Variants in POLN observed in about 807,000 individuals in gnomAD.
POLN encodes the protein DNA polymerase N.
A neutral mutation model predicts 113.5 loss-of-function variants in POLN; 108 were observed. The observed-to-expected ratio is 0.95, with a 90% CI of 0.81 to 1.12. POLN has a LOEUF of 1.12. Ranked by LOEUF, POLN falls within the 50% of genes most tolerant of loss-of-function variation. The probability of loss-of-function intolerance (pLI) is 0.00; values close to 1 mark genes in which losing one functional copy is unlikely to be tolerated. For synonymous variants in POLN, 386 were observed against 391.5 expected, an observed-to-expected ratio of 0.99 and a Z score of 0.17; for missense variants, 1,097 against 1,077.1, an observed-to-expected ratio of 1.02 and a Z score of -0.26.
chr4:2,094,714 G>A (rs2108699313), intron 20 of POLN, among the ~76,000 whole-genome samples: 1 of 152,268 alleles, frequency 6.6e-6, no homozygotes. Context: ...GTTGGAGCTG[G>A]CCTGGCTGAT....
At chr4:2,141,546 T>G (rs1025289216) in intron 16 of POLN, among the ~76,000 whole-genome samples, 2 of 152,228 alleles carry the variant, frequency 1.3e-5, no homozygotes, top group African/African-American at 4.8e-5. Context: ...CATGAAGGAC[T>G]GCGGTGCGTT....
intron 3 of POLN, among the ~76,000 whole-genome samples, chr4:2,215,327 C>A (rs140756450): frequency 6.6e-6 from 1 of 152,166 alleles, no homozygotes; most frequent in Non-Finnish European, 1.5e-5. Context: ...CGCTTATGCA[C>A]ACGAAGATGT....
intron 23 of POLN, chr4:2,079,446 C>T (rs544424312): frequency 1.6e-5 from 16 of 985,374 alleles, no homozygotes; most frequent in East Asian, 1.1e-4. Context: ...AGTGTATATG[C>T]GTATATGTGT....
At chr4:2,211,890 G>C (rs988911391) in intron 4 of POLN, among the ~76,000 whole-genome samples, 4 of 152,082 alleles carry the variant, frequency 2.6e-5, no homozygotes, top group Non-Finnish European at 5.9e-5. Flanking sequence ...CTGCCTTCGG[G>C]ATCCAAGGAG....
chr4:2,186,071 A>G (rs191158559), intron 7 of POLN, among the ~76,000 whole-genome samples: 3 of 151,906 alleles, frequency 2.0e-5, no homozygotes, highest in Non-Finnish European at 4.4e-5. Flanking sequence ...AAGTGAAAAA[A>G]CTCCATGCAG....
rs762902882 is a variant in POLN at position 2,081,759 on chromosome 4, C to CA, written c.2198-17dup. ...ACCACACAGCCTGAGTCACACAGAG[C>CA]AAAAGTAGATGAGGGACAGAAACAG... On this transcript the variant is annotated splice_polypyrimidine_tract_variant and intron_variant, in intron 21 of 25. Transcript: ENST00000511885. The CA allele has an allele frequency of 1.5e-4, 236 of 1,610,086 alleles. 1 individual carries two copies. The highest frequency in any genetic ancestry group is 1.6e-4 in the East Asian group (7 of 44,810).
At chr4:2,174,147 T>C in intron 10 of POLN, 128 bp from the exon 11 acceptor site, 1 of 821,174 alleles carries the variant, frequency 1.2e-6, no homozygotes. Flanking sequence ...ACCTGCTGCA[T>C]GCCAACCTCT....
chr4:2,235,927 CTAAGA>C (rs1441063120), intron 2 of POLN, among the ~76,000 whole-genome samples: 9 of 151,718 alleles, frequency 5.9e-5, no homozygotes, highest in Non-Finnish European at 8.8e-5. Flanking sequence ...CCTGTGTTTG[CTAAGA>C]TGAGTGAAAA....
chr4:2,080,406 G>C (rs1032902402), intron 23 of POLN: 1 of 993,764 alleles, frequency 1.0e-6, no homozygotes. Flanking sequence ...TTGGCTCTGG[G>C]CTCGGGGGTG....
chr4:2,240,061 TCTC>T, intron 2 of POLN: 1 of 1,613,524 alleles, frequency 6.2e-7, no homozygotes, highest in African/African-American at 1.3e-5. Flanking sequence ...CTGTGAAGAC[TCTC>T]CTCTGCCCAT....
chr4:2,132,726 A>G (rs548648499), intron 16 of POLN, among the ~76,000 whole-genome samples: 1 of 152,364 alleles, frequency 6.6e-6, no homozygotes, highest in African/African-American at 2.4e-5. Context: ...GCCAGCTCAG[A>G]GCTCTTTATT....
chr4:2,110,776 A>G (rs1731174435), intron 19 of POLN, among the ~76,000 whole-genome samples: 2 of 152,222 alleles, frequency 1.3e-5, no homozygotes, highest in South Asian at 4.1e-4. Flanking sequence ...AAAGTCCAGG[A>G]CCAGATGGAT....
intron 16 of POLN, among the ~76,000 whole-genome samples, chr4:2,132,280 A>G (rs1340746559): frequency 1.3e-5 from 2 of 152,216 alleles, no homozygotes; most frequent in Non-Finnish European, 2.9e-5. Flanking sequence ...TTGAAGAGAG[A>G]TCAATAGAAA....
intron 19 of POLN, among the ~76,000 whole-genome samples, chr4:2,109,944 C>T (rs1338162212): frequency 1.3e-5 from 2 of 151,986 alleles, no homozygotes; most frequent in African/African-American, 4.8e-5. Context: ...TTTAGCTTGA[C>T]TTCTTTTGGT....
chr4:2,186,722 A>G lies in POLN; in HGVS notation c.1021+6482T>C, dbSNP rs371356783. Among the ~76,000 whole-genome samples, 58 of 152,376 alleles carry G rather than the reference A, an allele frequency of 3.8e-4. No homozygotes were observed. In the South Asian group the frequency reaches 0.011, roughly 29 times the overall value. On this transcript the variant is annotated intron_variant, in intron 7 of 25. Coordinates refer to ENST00000511885, the MANE Select transcript of POLN (RefSeq NM_181808.4). ...GCAAAGAAATAGACGTACATTCACA[A>G]GAAATAATAGCAAGTGGGGAACCAT...
chr4:2,162,664 C>T (rs1732628925), intron 13 of POLN, among the ~76,000 whole-genome samples: 1 of 151,922 alleles, frequency 6.6e-6, no homozygotes, highest in Non-Finnish European at 1.5e-5. Flanking sequence ...GCCATGTTGC[C>T]CAGGCTGGTC....
At chr4:2,191,912 A>G (rs1733459991) in intron 7 of POLN, among the ~76,000 whole-genome samples, 1 of 152,076 alleles carries the variant, frequency 6.6e-6, no homozygotes, top group Non-Finnish European at 1.5e-5. Context: ...CAGGAGTTCA[A>G]GACTAGCCTG....
chr4:2,238,365 T>A (rs944790596), intron 2 of POLN, among the ~76,000 whole-genome samples: 1 of 151,646 alleles, frequency 6.6e-6, no homozygotes, highest in Non-Finnish European at 1.5e-5. Flanking sequence ...CATTCATTCC[T>A]CCAACTCATC....
At chr4:2,224,932 A>G (rs1286577879) in intron 3 of POLN, among the ~76,000 whole-genome samples, 2 of 152,080 alleles carry the variant, frequency 1.3e-5, no homozygotes, top group African/African-American at 4.8e-5. Flanking sequence ...CCTGGGTGAC[A>G]AGAGTGAAAC....
Sources: allele counts gnomAD v4.1 joint callset (sites outside exome capture counted in the v4.1 genomes callset), GRCh38; gene constraint gnomAD v4.1.1; transcripts MANE v1.5; gene names NCBI Gene and HGNC (gene_info 2026-07-23, HGNC 2026-07-21).